The following SPTBN5 variants were observed in gnomAD, a reference collection of about 807,000 sequenced individuals.
SPTBN5 encodes the protein spectrin beta, non-erythrocytic 5, also known as spectrin beta chain, non-erythrocytic 5.
Under a neutral mutation model 477.6 loss-of-function variants are expected in SPTBN5, and 513 were observed. The ratio of observed to expected loss-of-function variants is 1.07; its 90% CI spans 1.00 to 1.16. SPTBN5 has a LOEUF of 1.16. Among genes scored for constraint, SPTBN5 ranks in the 50% most tolerant of loss-of-function variants. SPTBN5 has a pLI of 0.00. For missense variants in SPTBN5, 5,062 were observed against 4,731.8 expected (o/e 1.07, Z -2.05); for synonymous variants, 2,169 against 2,011.7 (o/e 1.08, Z -2.09).
At chr15:41,868,769 G>A (rs564309903) in intron 32 of SPTBN5, among the ~76,000 whole-genome samples, 168 bp from the exon 33 acceptor site, 3 of 152,270 alleles carry the variant, frequency 2.0e-5, no homozygotes, top group East Asian at 1.9e-4. Context: ...TGGTTTCTCC[G>A]TTCTCATCCA....
intron 66 of SPTBN5, 25 bp downstream of exon 66, chr15:41,850,829 C>G: frequency 6.4e-7 from 1 of 1,568,442 alleles, no homozygotes; most frequent in South Asian, 1.2e-5. Flanking sequence ...GGCCGCCCTC[C>G]CCGCATCCTT....
chr15:41,852,727 C>A lies in SPTBN5; in HGVS notation c.10356G>T (p.Val3452=), dbSNP rs190768148. 2 of 1,611,650 alleles carry A rather than the reference C, an allele frequency of 1.2e-6. No individual in the cohort carries two copies. The highest frequency in any genetic ancestry group is 1.7e-5 in the Admixed American group (1 of 59,718). ...LLLKPDYGHS[V]SDVELLLHRH... is the part of the protein sequence containing the mutation. ...TGTGCAGCAGCAACTCCACATCTGA[C>A]ACTGAGTGCTGGGGAGAAGCATGTT... Residue 3452 remains valine (V), a synonymous_variant, in exon 61 of 68, where the codon GTG becomes GTT. Coordinates refer to ENST00000320955, the MANE Select transcript of SPTBN5 (RefSeq NM_016642.4).
At chr15:41,852,778 G>GGGT in intron 60 of SPTBN5, 43 bp from the exon 61 acceptor site, 1 of 1,608,276 alleles carries the variant, frequency 6.2e-7, no homozygotes, top group Non-Finnish European at 8.5e-7. Flanking sequence ...TTGGGGGGGG[G>GGGT]GGCCCAGAGC....
At chr15:41,863,166 G>A (rs1157983374) in intron 41 of SPTBN5, among the ~76,000 whole-genome samples, 1 of 152,228 alleles carries the variant, frequency 6.6e-6, no homozygotes, top group Admixed American at 6.5e-5. Flanking sequence ...CATCCCTTGA[G>A]GAGCGAGAAA....
In SPTBN5 at chr15:41,862,821, C is replaced by A; in HGVS notation, c.7232G>T (p.Arg2411Leu). 2 of 1,583,886 alleles carry A rather than the reference C, an allele frequency of 1.3e-6. No individual in the cohort carries two copies. The highest frequency in any genetic ancestry group is 1.3e-5 in the African/African-American group (1 of 74,312). ...CTGGGCCTGGATGGGGTGCACTTCC[C>A]GCTCCAGCTCCTCGTGTTTCCGCAG... ...RLLRKHEELE[R>L]EVHPIQAQVE... The change falls in exon 42 of 68, where the codon CGG becomes CTG. Residue 2411 changes from arginine (R) to leucine (L), a missense_variant. Physicochemically the swap from Arg to Leu is moderately radical, Grantham distance 102. Transcript: ENST00000320955.
At position 41,870,281 on chromosome 15, in the gene SPTBN5, G is replaced by C; in HGVS notation, c.5635C>G (p.Gln1879Glu). The change falls in exon 31 of 68, where the codon CAG becomes GAG. Residue 1879 changes from glutamine (Q) to glutamate (E), a missense_variant. Transcript: ENST00000320955. Reference protein sequence around the residue: ...CGLEAQLRSHQGLERELVGTE... With the variant: ...CGLEAQLRSHEGLERELVGTE... ...CCCACGAGTTCTCGCTCCAGCCCCTGGTGGCTTCTCAGCTGCGCCTCCAGC... is the reference window on the plus strand; with the variant it reads ...CCCACGAGTTCTCGCTCCAGCCCCTCGTGGCTTCTCAGCTGCGCCTCCAGC... 1 of 1,554,194 alleles carries C rather than the reference G, an allele frequency of 6.4e-7. No individual in the cohort carries two copies. The highest frequency in any genetic ancestry group is 8.7e-7 in the Non-Finnish European group (1 of 1,149,126).
At position 41,868,706 on chromosome 15, in the gene SPTBN5, C is replaced by T. The variant is rs187769014; in HGVS notation, c.5854-105G>A. On this transcript the variant is annotated intron_variant, in intron 32 of 67. Transcript: ENST00000320955. ...CCCACCTGAGTCCACTCACACAGCC[C>T]GAGCCGACCTGGGTCAGGGCCTCGG... 89 of 1,184,390 alleles carry T rather than the reference C, an allele frequency of 7.5e-5. No homozygotes were observed. In the African/African-American group the frequency reaches 1.1e-3, roughly 15 times the overall value. 73.4% of individuals were successfully genotyped at this position (1,184,390 alleles called of 1,614,324 possible).
At position 41,868,385 on chromosome 15, in the gene SPTBN5, G is replaced by GTCA; in HGVS notation, c.6057+12_6057+13insTGA. 1.3e-6 allele frequency: 2 copies of GTCA among 1,594,660 alleles called. No individual in the cohort carries two copies. Among genetic ancestry groups the GTCA allele is most frequent in the Non-Finnish European group, 1.7e-6 (2 of 1,169,328 alleles). Reference sequence around the variant, plus strand: ...AGCTAGGGTATGTGGGGGCACCAGGGGAGGGGGCCCACCTCCTTGGTGGGT... The same window carrying GTCA: ...AGCTAGGGTATGTGGGGGCACCAGGGTCAGAGGGGGCCCACCTCCTTGGTGGGT... On this transcript the variant is annotated intron_variant, in intron 33 of 67. Coordinates refer to ENST00000320955, the MANE Select transcript of SPTBN5 (RefSeq NM_016642.4).
chr15:41,851,582 G>GT (rs1567179704), intron 63 of SPTBN5, among the ~76,000 whole-genome samples, 197 bp downstream of exon 63: 3 of 9,760 alleles, frequency 3.1e-4, no homozygotes, highest in Non-Finnish European at 1.6e-3. Flanking sequence ...AGCACCTCCT[G>GT]GTGGGGGTGG....
chr15:41,848,570 G>GTCC lies in SPTBN5; in HGVS notation c.*43_*45dup, dbSNP rs755092999. Reference sequence around the variant, plus strand: ...AGTCTTATTCTGGTCCCTTAGATGTGTCCTCGCTTGTGCCCCTGAAGTTTG... The same window carrying GTCC: ...AGTCTTATTCTGGTCCCTTAGATGTGTCCTCCTCGCTTGTGCCCCTGAAGTTTG... On this transcript the variant is annotated 3_prime_UTR_variant, in exon 68 of 68. Transcript: ENST00000320955. 7.4e-6 allele frequency: 12 copies of GTCC among 1,612,472 alleles called. No homozygotes were observed. Among genetic ancestry groups the GTCC allele is most frequent in the Non-Finnish European group, 8.5e-6 (10 of 1,178,666 alleles).
intron 67 of SPTBN5, 99 bp downstream of exon 67, chr15:41,849,770 T>TG: frequency 1.1e-6 from 1 of 913,768 alleles, no homozygotes. Flanking sequence ...CCCAACAGAG[T>TG]AAGTCTGAGG....
In SPTBN5 at chr15:41,887,969, C is replaced by G. The variant is rs777992056; in HGVS notation, c.618G>C (p.Trp206Cys). ...NVNITDFSRS[W>C]SDGLGFNALI... ...GGGCATTGAAGCCCAGCCCATCGCT[C>G]CAGCTTCGGGAGAAATCTGTAATGT... Residue 206 changes from tryptophan (W) to cysteine (C), a missense_variant, in exon 5 of 68, where the codon TGG (tryptophan) becomes TGC (cysteine). By Grantham distance (215) the Trp-to-Cys change is radical. Coordinates refer to ENST00000320955, the MANE Select transcript of SPTBN5 (RefSeq NM_016642.4). 6.2e-7 allele frequency: 1 copy of G among 1,608,490 alleles called. No homozygotes were observed. The highest frequency in any genetic ancestry group is 1.3e-5 in the African/African-American group (1 of 74,866).
chr15:41,856,838 C>T lies in SPTBN5; in HGVS notation c.8808+15G>A, dbSNP rs546250324. ...GCTCATGTGCGAGGCCAGCCCTCCC[C>T]GGGTGGGCCCACACCTGGTGCTGCT... On this transcript the variant is annotated intron_variant, in intron 52 of 67. Transcript: ENST00000320955. 2.7e-5 allele frequency: 42 copies of T among 1,535,846 alleles called. No individual in the cohort carries two copies. Among genetic ancestry groups the T allele is most frequent in the East Asian group, 2.7e-4 (11 of 40,534 alleles).
At position 41,857,556 on chromosome 15, in the gene SPTBN5, G is replaced by C; in HGVS notation, c.8364+17C>G. On this transcript the variant is annotated intron_variant, in intron 50 of 67. Coordinates refer to ENST00000320955, the MANE Select transcript of SPTBN5 (RefSeq NM_016642.4). Reference sequence around the variant, plus strand: ...CCTGGAGCCCGGCCAGCCACCCCTCGGCCTGCACAACCTCACCTCACAGGC... The same window carrying C: ...CCTGGAGCCCGGCCAGCCACCCCTCCGCCTGCACAACCTCACCTCACAGGC... 1 of 1,606,276 alleles carries C rather than the reference G, an allele frequency of 6.2e-7. No individual in the cohort carries two copies.
chr15:41,853,867 T>C, intron 57 of SPTBN5, 80 bp from the exon 58 acceptor site: 1 of 1,444,976 alleles, frequency 6.9e-7, no homozygotes. Context: ...ACCAGGCCTC[T>C]CTGAGGAACC....
intron 29 of SPTBN5, 119 bp downstream of exon 29, chr15:41,871,256 G>T: frequency 8.4e-7 from 1 of 1,195,238 alleles, no homozygotes. Flanking sequence ...GCAGAGCCCC[G>T]TGGGCAGCCA....
At position 41,862,742 on chromosome 15, in the gene SPTBN5, T is replaced by C. The variant is rs747900538; in HGVS notation, c.7263+48A>G. On this transcript the variant is annotated intron_variant, in intron 42 of 67. Transcript: ENST00000320955. ...CCCTCCTCCCCACTTGTGCCCAGGG[T>C]CCTACTCAGGAGATGCCCTGGGCCC... 2.6e-6 allele frequency: 4 copies of C among 1,545,358 alleles called. No homozygotes were observed. In the South Asian group the frequency reaches 4.8e-5, roughly 18 times the overall value.
intron 10 of SPTBN5, 54 bp from the exon 11 acceptor site, chr15:41,882,523 G>A (rs1057148898): frequency 6.3e-7 from 1 of 1,575,094 alleles, no homozygotes; most frequent in Non-Finnish European, 8.6e-7. Context: ...GGAGGGGGCC[G>A]GGGGCCCGAG....
intron 32 of SPTBN5, 116 bp from the exon 33 acceptor site, chr15:41,868,717 G>C (rs1260276293): frequency 1.0e-6 from 1 of 989,026 alleles, no homozygotes; most frequent in East Asian, 2.5e-5. Context: ...GAGCCGACCT[G>C]GGTCAGGGCC....
Sources: allele counts gnomAD v4.1 joint callset (sites outside exome capture counted in the v4.1 genomes callset), GRCh38; gene constraint gnomAD v4.1.1; transcripts MANE v1.5; gene names NCBI Gene and HGNC (gene_info 2026-07-23, HGNC 2026-07-21).